The following POLRMT variants were observed in gnomAD, a reference collection of about 807,000 sequenced individuals.
POLRMT encodes the protein DNA-directed RNA polymerase, mitochondrial.
A neutral mutation model predicts 132.2 loss-of-function variants in POLRMT; 114 were observed. That is an observed-to-expected ratio of 0.86 (90% confidence interval 0.74 to 1.01). The LOEUF (loss-of-function observed/expected upper bound fraction) is 1.01, where lower values mean the gene tolerates loss of function less well. Among genes scored for constraint, POLRMT ranks in the 50% least tolerant of loss-of-function variants. The probability of loss-of-function intolerance (pLI) is 0.00; values close to 1 mark genes in which losing one functional copy is unlikely to be tolerated. For synonymous variants in POLRMT, 1,020 were observed against 773.4 expected (o/e 1.32, Z -5.29); for missense variants, 2,003 against 1,729.1 (o/e 1.16, Z -2.81).
In POLRMT at chr19:621,313, C is replaced by A. The variant is rs1452329531; in HGVS notation, c.2385G>T (p.Trp795Cys). The change falls in exon 10 of 21, where the codon TGG becomes TGT. Residue 795 changes from tryptophan to cysteine, a missense_variant. Trp to Cys is a radical substitution (Grantham distance 215). Coordinates refer to ENST00000588649, the MANE Select transcript of POLRMT (RefSeq NM_005035.4). ...CGCGGAAGTCCATGTTGTGCGGCAG[C>A]CAGAAGACGCGGTCCCGCAGGTGCT... ...LAQHLRDRVF[W>C]LPHNMDFRGR... 1 of 1,597,908 alleles carries A rather than the reference C, an allele frequency of 6.3e-7. No homozygotes were observed. The highest frequency in any genetic ancestry group is 8.5e-7 in the Non-Finnish European group (1 of 1,176,842).
chr19:618,653 G>A (rs554917000), intron 16 of POLRMT, 52 bp downstream of exon 16: 119 of 1,601,206 alleles, frequency 7.4e-5, no homozygotes, highest in Middle Eastern at 3.3e-4. Flanking sequence ...TGTCTCCACC[G>A]TGGCTGCTCT....
rs536960266 is a variant in POLRMT at position 618,643 on chromosome 19, T to G, written c.3324-57A>C. 3.8e-6 allele frequency: 6 copies of G among 1,599,510 alleles called. No homozygotes were observed. In the African/African-American group the frequency reaches 8.0e-5, roughly 21 times the overall value. On this transcript the variant is annotated intron_variant, in intron 16 of 20. Transcript: ENST00000588649. ...CCCAGGGACACCCCTAACTGGCCGC[T>G]GTCTCCACCGTGGCTGCTCTCCAGA... is the stretch of plus-strand genomic sequence containing the variant.
At chr19:633,297 G>T in intron 1 of POLRMT, 128 bp downstream of exon 1, 1 of 1,178,278 alleles carries the variant, frequency 8.5e-7, no homozygotes, top group Non-Finnish European at 1.1e-6. Context: ...GGAAAGCGGG[G>T]CCGGGTCGGT....
chr19:631,466 C>T (rs1034178060), intron 2 of POLRMT, among the ~76,000 whole-genome samples: 145 of 151,948 alleles, frequency 9.5e-4, no homozygotes, highest in African/African-American at 3.3e-3. Context: ...GGTGAAACCC[C>T]GTCCCTACTA....
At chr19:631,984 AG>A (rs1386613713) in intron 2 of POLRMT, among the ~76,000 whole-genome samples, 2 of 152,188 alleles carry the variant, frequency 1.3e-5, no homozygotes, top group Non-Finnish European at 2.9e-5. Flanking sequence ...CATGTTGGCC[AG>A]GCTGGTCTTG....
In POLRMT at chr19:618,532, C is replaced by T. The variant is rs765074090; in HGVS notation, c.3378G>A (p.Ser1126=). 84 of 1,613,154 alleles carry T rather than the reference C, an allele frequency of 5.2e-5. 1 individual carries two copies. In the Admixed American group the frequency reaches 1.2e-3, roughly 23 times the overall value. The change falls in exon 17 of 21, where the codon TCG becomes TCA. Residue 1126 remains serine (S), a synonymous_variant. Coordinates refer to ENST00000588649, the MANE Select transcript of POLRMT (RefSeq NM_005035.4). ...KNGFPPNFIH[S]LDSSHMMLTA... is the part of the protein sequence containing the mutation. ...TGAGCATCATGTGGGAGGAGTCCAGCGAGTGGATGAAGTTGGGCGGGAAGC... is the reference window on the plus strand; with the variant it reads ...TGAGCATCATGTGGGAGGAGTCCAGTGAGTGGATGAAGTTGGGCGGGAAGC...
chr19:620,744 C>T (rs1342460060), intron 10 of POLRMT, among the ~76,000 whole-genome samples: 1 of 92,748 alleles, frequency 1.1e-5, no homozygotes, highest in Non-Finnish European at 2.1e-5. Flanking sequence ...GACAGAGGAC[C>T]TGGGGGCGCC....
chr19:630,047 C>A lies in POLRMT; in HGVS notation c.315G>T (p.Arg105Ser). The A allele has an allele frequency of 6.2e-7, 1 of 1,613,930 alleles. No individual in the cohort carries two copies. The highest frequency in any genetic ancestry group is 2.2e-5 in the East Asian group (1 of 44,886). ...GSGDGSLQPP[R>S]KVQMGAKDAT... ...CATCCTTGGCCCCCATCTGGACCTT[C>A]CTGGGTGGCTGGAGGCTACCATCTC... Residue 105 changes from arginine (R) to serine (S), a missense_variant, in exon 3 of 21, where the codon AGG becomes AGT. Coordinates refer to ENST00000588649, the MANE Select transcript of POLRMT (RefSeq NM_005035.4).
intron 19 of POLRMT, 33 bp downstream of exon 19, chr19:617,537 A>C (rs762523707): frequency 1.3e-6 from 2 of 1,596,246 alleles, no homozygotes; most frequent in African/African-American, 2.7e-5. Context: ...GTGGGGGGGG[A>C]ATCCAGGTAG....
In POLRMT at chr19:617,768, C is replaced by T. The variant is rs377569522; in HGVS notation, c.3495+9G>A. ...CATGGGTGGACTGAGGCTCAGACTA[C>T]GGGGGCACCTGGTTCATGACGGAGA... is the stretch of plus-strand genomic sequence containing the variant. On this transcript the variant is annotated intron_variant, in intron 18 of 20. Coordinates refer to ENST00000588649, the MANE Select transcript of POLRMT (RefSeq NM_005035.4). 1.8e-5 allele frequency: 29 copies of T among 1,612,980 alleles called. No individual in the cohort carries two copies. In the Admixed American group the frequency reaches 1.8e-4, roughly 10 times the overall value.
chr19:618,766 AAG>A lies in POLRMT; in HGVS notation c.3268-8_3268-7del. On this transcript the variant is annotated splice_region_variant and splice_polypyrimidine_tract_variant and intron_variant, in intron 15 of 20. Transcript: ENST00000588649. ...TGAATTCCACCTCCTATTTGCTAAA[AAG>A]GGGAAGGGGCCGGTGAGTCCCACCC... is the stretch of plus-strand genomic sequence containing the variant. 6.3e-7 allele frequency: 1 copy of A among 1,594,392 alleles called. No individual in the cohort carries two copies. The highest frequency in any genetic ancestry group is 8.5e-7 in the Non-Finnish European group (1 of 1,171,454).
At chr19:632,999 G>C in intron 1 of POLRMT, 61 bp from the exon 2 acceptor site, 1 of 1,248,206 alleles carries the variant, frequency 8.0e-7, no homozygotes. Context: ...CCTCCATAAA[G>C]GCAGAAGCCG....
Position 619,753 on chromosome 19 carries a change from G to A in POLRMT, c.2899C>T (p.Arg967Cys), listed in dbSNP as rs200837893. The A allele has an allele frequency of 1.3e-5, 20 of 1,582,256 alleles. No individual in the cohort carries two copies. The highest frequency in any genetic ancestry group is 6.9e-5 in the South Asian group (6 of 87,076). ...ATGCCCCGCTGGGCGTCCTGCCTACGGAACACCTCCACCTGCACGGCGGGT... is the reference window on the plus strand; with the variant it reads ...ATGCCCCGCTGGGCGTCCTGCCTACAGAACACCTCCACCTGCACGGCGGGT... ...SGVAAQVEVF[R>C]RQDAQRGMRV... Residue 967 changes from arginine (R) to cysteine (C), a missense_variant, in exon 13 of 21, where the codon CGT becomes TGT. Coordinates refer to ENST00000588649, the MANE Select transcript of POLRMT (RefSeq NM_005035.4).
chr19:621,663 G>C lies in POLRMT; in HGVS notation c.2035C>G (p.Gln679Glu), dbSNP rs967752825. Residue 679 changes from glutamine (Q) to glutamate (E), a missense_variant, in exon 10 of 21, where the codon CAG becomes GAG. By Grantham distance (29) the Gln-to-Glu change is conservative. Transcript: ENST00000588649. ...KLMRTVEGAT[Q>E]HQELLETCPP... ...CAGGTTTCCAGCAGCTCCTGGTGCT[G>C]CGTGGCGCCTTCCACCGTGCGCATC... 35 of 1,547,288 alleles carry C rather than the reference G, an allele frequency of 2.3e-5. No individual in the cohort carries two copies. Among genetic ancestry groups the C allele is most frequent in the Non-Finnish European group, 2.9e-5 (33 of 1,149,588 alleles).
In POLRMT at chr19:629,808, C is replaced by T; in HGVS notation, c.554G>A (p.Ser185Asn). The stretch of plus-strand genomic sequence containing the variant: ...CCGGGCCAGCTGCTCCTCCCAGGGG[C>T]TCTCGGGGGCCTGGCGCGTGCAGTC... ...LEDCTRQAPE[S>N]PWEEQLARLL... is the part of the protein sequence containing the mutation. Residue 185 changes from serine to asparagine, a missense_variant, in exon 3 of 21, where the codon AGC (serine) becomes AAC (asparagine). By Grantham distance (46) the Ser-to-Asn change is conservative. Transcript: ENST00000588649. The T allele has an allele frequency of 6.3e-7, 1 of 1,586,050 alleles. No individual in the cohort carries two copies. The highest frequency in any genetic ancestry group is 2.2e-4 in the Middle Eastern group (1 of 4,540).
chr19:625,140 C>A lies in POLRMT; in HGVS notation c.937G>T (p.Ala313Ser). The change falls in exon 4 of 21, where the codon GCC becomes TCC. Residue 313 changes from alanine to serine, a missense_variant. Coordinates refer to ENST00000588649, the MANE Select transcript of POLRMT (RefSeq NM_005035.4). ...LQCMGRQDQDAGTIERCLEQM... is the reference protein window; with the variant it reads ...LQCMGRQDQDSGTIERCLEQM... ...ACCACCTACCTTTCGATGGTCCCGG[C>A]GTCCTGGTCCTGCCTCCCCATGCAC... is the stretch of plus-strand genomic sequence containing the variant. 2.5e-6 allele frequency: 4 copies of A among 1,613,234 alleles called. No homozygotes were observed. The Admixed American group carries it at 5.0e-5, about 20-fold the overall frequency.
At chr19:624,585 G>A in intron 5 of POLRMT, 134 bp downstream of exon 5, 1 of 1,015,744 alleles carries the variant, frequency 9.8e-7, no homozygotes, top group Non-Finnish European at 1.4e-6. Context: ...CTCAGAGGAG[G>A]AAGGGAGGAA....
intron 2 of POLRMT, among the ~76,000 whole-genome samples, chr19:631,338 A>G (rs866977037): frequency 2.2e-3 from 248 of 113,370 alleles, no homozygotes; most frequent in East Asian, 9.0e-3. Flanking sequence ...AAAAAAAAAA[A>G]GGGGGGGGGG....
Position 633,008 on chromosome 19 carries a change from C to G in POLRMT, c.89-70G>C, listed in dbSNP as rs1985541372. On this transcript the variant is annotated intron_variant, in intron 1 of 20. Transcript: ENST00000588649. ...CGGGGGCCTCCATAAAGGCAGAAGC[C>G]GAAGGGTCGAAGGGCAAAGGAGCCC... 7 of 1,063,156 alleles carry G rather than the reference C, an allele frequency of 6.6e-6. No homozygotes were observed. The South Asian group carries it at 1.0e-4, about 15-fold the overall frequency. 65.9% of individuals were successfully genotyped at this position (1,063,156 alleles called of 1,614,324 possible). A position where few individuals can be genotyped will look rare whatever the true frequency, so the allele number is the denominator to read the frequency against.
Sources: gnomAD v4.1 joint callset for allele counts (sites outside exome capture counted in the v4.1 genomes callset) on GRCh38, gnomAD v4.1.1 for gene constraint, MANE v1.5 for transcripts, NCBI Gene and HGNC (gene_info 2026-07-23, HGNC 2026-07-21) for gene names.